Variants in DLG2 observed in about 807,000 individuals in gnomAD.
DLG2 encodes disks large homolog 2.
In DLG2, 45 loss-of-function variants were observed where a neutral mutation model predicts 132.5. The ratio of observed to expected loss-of-function variants is 0.34; its 90% CI spans 0.27 to 0.44. The LOEUF is 0.44. Ranked by LOEUF, DLG2 falls within the 20% of genes least tolerant of loss-of-function variation. The pLI is 1.00. For missense variants in DLG2, 1,045 were observed against 1,196.9 expected (o/e 0.87, Z 1.87); for synonymous variants, 424 against 419.6 (o/e 1.01, Z -0.13).
intron 21 of DLG2, among the ~76,000 whole-genome samples, chr11:83,496,041 C>T (rs954011200): frequency 6.6e-6 from 1 of 151,856 alleles, no homozygotes; most frequent in Non-Finnish European, 1.5e-5. Flanking sequence ...AATGAAAAGA[C>T]AAGTCACAAA....
intron 6 of DLG2, among the ~76,000 whole-genome samples, chr11:84,832,972 T>C (rs973298309): frequency 2.0e-5 from 3 of 151,366 alleles, no homozygotes; most frequent in African/African-American, 7.3e-5. Context: ...AGAACGAGAG[T>C]TGTATGTGAG....
intron 6 of DLG2, among the ~76,000 whole-genome samples, chr11:84,777,616 TTTTA>T (rs537554677): frequency 5.9e-5 from 9 of 151,564 alleles, no homozygotes; most frequent in Non-Finnish European, 8.8e-5. Context: ...ACATTTGTTA[TTTTA>T]TTTATTTATT....
chr11:84,696,835 G>C (rs1001050406), intron 6 of DLG2, among the ~76,000 whole-genome samples: 5 of 151,472 alleles, frequency 3.3e-5, no homozygotes, highest in Non-Finnish European at 7.4e-5. Flanking sequence ...ACATTGGTAA[G>C]TAAATCTGTA....
intron 4 of DLG2, among the ~76,000 whole-genome samples, chr11:85,218,285 A>T (rs2082750471): frequency 6.6e-6 from 1 of 152,226 alleles, no homozygotes; most frequent in African/African-American, 2.4e-5. Context: ...AATATTCACA[A>T]ACTATGCATT....
chr11:83,562,766 G>T (rs1330070690), intron 19 of DLG2, among the ~76,000 whole-genome samples: 7 of 152,042 alleles, frequency 4.6e-5, no homozygotes, highest in African/African-American at 1.7e-4. Context: ...ATAAAATTTT[G>T]TTGTTCTTTC....
At chr11:85,225,975 C>T (rs2074949441) in intron 4 of DLG2, among the ~76,000 whole-genome samples, 1 of 152,060 alleles carries the variant, frequency 6.6e-6, no homozygotes, top group African/African-American at 2.4e-5. Context: ...AATGCCATCA[C>T]CAACCAGACA....
intron 14 of DLG2, among the ~76,000 whole-genome samples, chr11:83,930,814 G>A (rs768587201): frequency 3.3e-5 from 5 of 152,022 alleles, no homozygotes; most frequent in Non-Finnish European, 5.9e-5. Flanking sequence ...CATTTCCTCC[G>A]TTTACTTACC....
At chr11:84,163,375 A>G in intron 9 of DLG2, 86 bp downstream of exon 9, 1 of 1,254,092 alleles carries the variant, frequency 8.0e-7, no homozygotes, top group Non-Finnish European at 1.1e-6. Flanking sequence ...ACACAATTGT[A>G]TAATTTCACA....
intron 6 of DLG2, among the ~76,000 whole-genome samples, chr11:84,669,638 C>T (rs1202507363): frequency 6.6e-6 from 1 of 152,006 alleles, no homozygotes; most frequent in Non-Finnish European, 1.5e-5. Flanking sequence ...CCCCTTTTTC[C>T]CCCTACTAAA....
At chr11:84,001,244 A>G (rs183208660) in intron 11 of DLG2, among the ~76,000 whole-genome samples, 18 of 152,022 alleles carry the variant, frequency 1.2e-4, no homozygotes, top group Admixed American at 2.0e-4. Flanking sequence ...TAAAGGGATG[A>G]AAAAAGATAT....
At chr11:84,601,452 C>T (rs1019153899) in intron 6 of DLG2, among the ~76,000 whole-genome samples, 3 of 152,072 alleles carry the variant, frequency 2.0e-5, no homozygotes, top group African/African-American at 7.2e-5. Flanking sequence ...ATCATTTCAT[C>T]TCCAGTAATT....
chr11:84,661,385 T>C (rs1485480174), intron 6 of DLG2, among the ~76,000 whole-genome samples: 1 of 152,278 alleles, frequency 6.6e-6, no homozygotes, highest in South Asian at 2.1e-4. Context: ...GGGTTCTATC[T>C]CTGTATATCA....
chr11:84,257,043 A>T (rs2097483938), intron 7 of DLG2, among the ~76,000 whole-genome samples: 1 of 152,166 alleles, frequency 6.6e-6, no homozygotes. Context: ...TACCCCATCA[A>T]CTTTGAAGTA....
chr11:83,845,206 C>T (rs1337934519), intron 16 of DLG2, among the ~76,000 whole-genome samples: 3 of 152,024 alleles, frequency 2.0e-5, no homozygotes, highest in East Asian at 3.9e-4. Context: ...AATGCAACTA[C>T]GTTCACGTGA....
intron 21 of DLG2, among the ~76,000 whole-genome samples, chr11:83,498,675 G>GAA (rs149518875): frequency 0.34 from 44,982 of 132,688 alleles, 7,214 homozygotes; most frequent in Middle Eastern, 0.46. Context: ...AAAGCAAGGA[G>GAA]AAAAAAAAAA....
chr11:85,427,561 C>T (rs917807374), intron 3 of DLG2, among the ~76,000 whole-genome samples: 1 of 152,198 alleles, frequency 6.6e-6, no homozygotes, highest in Admixed American at 6.5e-5. Flanking sequence ...AAATCCTTTA[C>T]AGACAAGCAA....
intron 6 of DLG2, among the ~76,000 whole-genome samples, chr11:84,749,004 A>G (rs2065756540): frequency 1.3e-5 from 2 of 152,200 alleles, no homozygotes; most frequent in African/African-American, 4.8e-5. Flanking sequence ...CCCAATCTCT[A>G]ATAAAATAAA....
chr11:85,580,311 T>C (rs944941236), intron 3 of DLG2, among the ~76,000 whole-genome samples: 6 of 152,190 alleles, frequency 3.9e-5, no homozygotes, highest in Non-Finnish European at 1.5e-5. Flanking sequence ...TGTAGAAGAA[T>C]GCATTCACTG....
intron 3 of DLG2, among the ~76,000 whole-genome samples, chr11:85,357,428 G>A (rs955126159): frequency 1.5e-4 from 22 of 149,920 alleles, no homozygotes; most frequent in Admixed American, 1.4e-3. Flanking sequence ...TCCTGACCTC[G>A]TGATCCACCC....
Sources: gnomAD v4.1 joint callset for allele counts (sites outside exome capture counted in the v4.1 genomes callset) on GRCh38, gnomAD v4.1.1 for gene constraint, MANE v1.5 for transcripts, NCBI Gene and HGNC (gene_info 2026-07-23, HGNC 2026-07-21) for gene names.